The following DYNC2H1 variants were observed in gnomAD, a reference collection of about 807,000 sequenced individuals.
DYNC2H1 encodes the protein cytoplasmic dynein 2 heavy chain 1.
In DYNC2H1, 410 loss-of-function variants were observed where a neutral mutation model predicts 570.0. The ratio of observed to expected loss-of-function variants is 0.72; its 90% CI spans 0.66 to 0.78. The LOEUF (loss-of-function observed/expected upper bound fraction) is 0.78, where lower values mean the gene tolerates loss of function less well. Among genes scored for constraint, DYNC2H1 ranks in the 30% least tolerant of loss-of-function variants. The probability of loss-of-function intolerance (pLI) is 0.00; values close to 1 mark genes in which losing one functional copy is unlikely to be tolerated. For missense variants in DYNC2H1, 4,865 were observed against 5,046.4 expected, an observed-to-expected ratio of 0.96 and a Z score of 1.09; for synonymous variants, 1,688 against 1,677.6, an observed-to-expected ratio of 1.01 and a Z score of -0.15.
Position 103,189,519 on chromosome 11 carries a change from G to T in DYNC2H1, c.7293-153G>T, listed in dbSNP as rs571326205. ...GGTTGAAATGAGAATGGATCGGGGC[G>T]ATGAGCCTAGTCTTAGCCCCCTGGG... On this transcript the variant is annotated intron_variant, in intron 44 of 88. Transcript: ENST00000375735. This position sits in a 1 kb window ranked among gnomAD's most constrained non-coding sequence, Gnocchi z 4.3. Among the ~76,000 whole-genome samples the T allele has an allele frequency of 6.6e-6, 1 of 152,132 alleles. No individual in the cohort carries two copies.
intron 87 of DYNC2H1, among the ~76,000 whole-genome samples, chr11:103,462,988 C>A (rs1019413129): frequency 2.6e-5 from 4 of 152,110 alleles, no homozygotes; most frequent in African/African-American, 9.7e-5. Context: ...AACAATCATG[C>A]AGATCAGTAT....
At chr11:103,114,316 C>T in intron 3 of DYNC2H1, 78 bp downstream of exon 3, 2 of 1,385,926 alleles carry the variant, frequency 1.4e-6, no homozygotes, top group Non-Finnish European at 1.9e-6. Flanking sequence ...CATATTTCTT[C>T]ATAGATTTCT....
chr11:103,282,202 GGTT>G lies in DYNC2H1; in HGVS notation c.10790_10792del (p.Val3597del). The stretch of plus-strand genomic sequence containing the variant: ...AGGAATGGGATACGTTTACAGGTGT[GGTT>G]GTTGGAGACATGTTACGGAAAGCTG... On this transcript the variant is annotated inframe_deletion, in exon 72 of 89. Transcript: ENST00000375735. 1 of 1,607,958 alleles carries G rather than the reference GGTT, an allele frequency of 6.2e-7. No homozygotes were observed. The highest frequency in any genetic ancestry group is 1.1e-5 in the South Asian group (1 of 89,560).
rs1185683921 is a variant in DYNC2H1, at chr11:103,394,793, T to C, written c.12157-4870T>C. Among the ~76,000 whole-genome samples, 5 of 152,088 alleles carry C rather than the reference T, an allele frequency of 3.3e-5. No individual in the cohort carries two copies. The East Asian group carries it at 9.7e-4, about 29-fold the overall frequency. On this transcript the variant is annotated intron_variant, in intron 83 of 88. Coordinates refer to ENST00000375735, the MANE Select transcript of DYNC2H1 (RefSeq NM_001377.3). ...TGGGAGGGGAGGGGATCCAATCCCC[T>C]GAGGTATGACTATAGTTGTTACTAG... is the stretch of plus-strand genomic sequence containing the variant.
intron 12 of DYNC2H1, among the ~76,000 whole-genome samples, 195 bp from the exon 13 acceptor site, chr11:103,128,715 A>G (rs1859120449): frequency 6.6e-6 from 1 of 152,210 alleles, no homozygotes; most frequent in Non-Finnish European, 1.5e-5. Flanking sequence ...ATGACTTGGC[A>G]AATTGTAGGA....
In DYNC2H1 at chr11:103,121,013, C is replaced by T. The variant is rs763807054; in HGVS notation, c.1337C>T (p.Ala446Val). 7 of 1,581,964 alleles carry T rather than the reference C, an allele frequency of 4.4e-6. No individual in the cohort carries two copies. In the Admixed American group the frequency reaches 1.2e-4, roughly 28 times the overall value. Residue 446 changes from alanine to valine, a missense_variant, in exon 9 of 89, where the codon GCA becomes GTA. By Grantham distance (64) the Ala-to-Val change is moderately conservative (BLOSUM62 0). Coordinates refer to ENST00000375735, the MANE Select transcript of DYNC2H1 (RefSeq NM_001377.3). The stretch of plus-strand genomic sequence containing the variant: ...ATGTTAGAAAGAGAAACTTTACTGG[C>T]AAGACTTGTGGACTCAATTAAAGGT... ...ELMLERETLL[A>V]RLVDSIKDFR...
At position 103,186,444 on chromosome 11, in the gene DYNC2H1, T is replaced by G. The variant is rs1289609181; in HGVS notation, c.6836T>G (p.Leu2279Ter). 1.2e-6 allele frequency: 2 copies of G among 1,612,540 alleles called. No individual in the cohort carries two copies. Among genetic ancestry groups the G allele is most frequent in the Non-Finnish European group, 1.7e-6 (2 of 1,179,108 alleles). ...QRGLDYFKPW[L>*]SSDTKQPFIL... ...GGTCTAGATTATTTCAAACCATGGT[T>G]AAGTTCTGATACTAAACAGCCCTTT... is the stretch of plus-strand genomic sequence containing the variant. Residue 2279 changes from leucine to a stop codon, truncating the protein, a stop_gained, in exon 42 of 89, where the codon TTA becomes TGA. Transcript: ENST00000375735. LOFTEE classifies it high-confidence loss of function. This position sits in a 1 kb window ranked among gnomAD's most constrained non-coding sequence, Gnocchi z 4.5.
intron 83 of DYNC2H1, among the ~76,000 whole-genome samples, chr11:103,394,873 A>G (rs565616425): frequency 2.6e-5 from 4 of 152,152 alleles, no homozygotes; most frequent in Admixed American, 2.0e-4. Context: ...CTTTTGGTAC[A>G]GTAAGGCAGC....
intron 74 of DYNC2H1, 115 bp from the exon 75 acceptor site, chr11:103,287,418 A>T (rs1278464229): frequency 2.5e-6 from 2 of 811,378 alleles, no homozygotes; most frequent in African/African-American, 1.7e-5. Context: ...TGGAACAATG[A>T]TAAGTGTTCC....
intron 72 of DYNC2H1, among the ~76,000 whole-genome samples, 199 bp from the exon 73 acceptor site, chr11:103,282,809 G>A (rs1344172341): frequency 6.6e-6 from 1 of 151,920 alleles, no homozygotes. Context: ...AAAAATGATT[G>A]CAACATTTTC....
In DYNC2H1 at chr11:103,157,440, CT is replaced by C. The variant is rs1860889203; in HGVS notation, c.4127+673del. ...ATTTACCAGTTCCTTTCCAACAAAT[CT>C]TTCTTCTTTCTGATTCCTATTTCAA... On this transcript the variant is annotated intron_variant, in intron 26 of 88. Transcript: ENST00000375735. The surrounding 1 kb of genome is among the most constrained non-coding windows in gnomAD (Gnocchi z 4.2). Among the ~76,000 whole-genome samples the C allele has an allele frequency of 6.6e-6, 1 of 152,246 alleles. No individual in the cohort carries two copies. The highest frequency in any genetic ancestry group is 1.5e-5 in the Non-Finnish European group (1 of 68,042).
At position 103,130,276 on chromosome 11, in the gene DYNC2H1, T is replaced by C. The variant is rs979508563; in HGVS notation, c.1953+1271T>C. Among the ~76,000 whole-genome samples the C allele has an allele frequency of 2.0e-5, 3 of 152,220 alleles. No individual in the cohort carries two copies. In the East Asian group the frequency reaches 5.8e-4, roughly 29 times the overall value. ...CATAAACCAAATTATTTAGGTACAGTGAGCCACTCTTATCAGAGTGGTAGG... is the reference window on the plus strand; with the variant it reads ...CATAAACCAAATTATTTAGGTACAGCGAGCCACTCTTATCAGAGTGGTAGG... On this transcript the variant is annotated intron_variant, in intron 13 of 88. Coordinates refer to ENST00000375735, the MANE Select transcript of DYNC2H1 (RefSeq NM_001377.3).
rs746390478 is a variant in DYNC2H1 at position 103,109,719 on chromosome 11, A to G, written c.145A>G (p.Met49Val). The change falls in exon 1 of 89, where the codon ATG becomes GTG. Residue 49 changes from methionine to valine, a missense_variant. Around this residue, in one of 5 missense-constraint regions of DYNC2H1, gnomAD observed 1,936 missense variants for 1,962.1 expected, o/e 0.99. Coordinates refer to ENST00000375735, the MANE Select transcript of DYNC2H1 (RefSeq NM_001377.3). Reference sequence around the variant, plus strand: ...CAACTTCTTGGATGACGGCAACCAGATGCTCCTCAGGGTGCAGCGATCCGA... The same window carrying G: ...CAACTTCTTGGATGACGGCAACCAGGTGCTCCTCAGGGTGCAGCGATCCGA... ...INNFLDDGNQMLLRVQRSDAG... is the reference protein window; with the variant it reads ...INNFLDDGNQVLLRVQRSDAG... 1.2e-6 allele frequency: 2 copies of G among 1,613,910 alleles called. No homozygotes were observed. The highest frequency in any genetic ancestry group is 3.3e-5 in the Admixed American group (2 of 60,010).
chr11:103,341,065 A>G lies in DYNC2H1; in HGVS notation c.12039+17075A>G, dbSNP rs140836121. ...TTTAAAGCCAGAGTGATACAGGCAA[A>G]GAAGTGACAAGGCTGTGTACTTGAT... On this transcript the variant is annotated intron_variant, in intron 82 of 88. Transcript: ENST00000375735. 4.6e-5 allele frequency among the ~76,000 whole-genome samples: 7 copies of G among 152,230 alleles called. No individual in the cohort carries two copies. The East Asian group carries it at 1.4e-3, about 29-fold the overall frequency.
chr11:103,294,810 C>T (rs1866753926), intron 75 of DYNC2H1, among the ~76,000 whole-genome samples: 2 of 152,176 alleles, frequency 1.3e-5, no homozygotes, highest in African/African-American at 4.8e-5. Context: ...AGGTTGCCTT[C>T]TGGCCCAGAA....
chr11:103,447,696 T>C (rs576650646), intron 85 of DYNC2H1, among the ~76,000 whole-genome samples: 28 of 152,282 alleles, frequency 1.8e-4, no homozygotes, highest in African/African-American at 6.7e-4. Flanking sequence ...ATAACTAAGT[T>C]TTTTAAGGCA....
At chr11:103,111,687 G>A (rs957481657) in intron 1 of DYNC2H1, among the ~76,000 whole-genome samples, 1 of 152,050 alleles carries the variant, frequency 6.6e-6, no homozygotes, top group Non-Finnish European at 1.5e-5. Context: ...GTTGAAGGTA[G>A]AACTTTTTTT....
In DYNC2H1 at chr11:103,475,905, C is replaced by A. The variant is rs376346964; in HGVS notation, c.12766-3190C>A. On this transcript the variant is annotated intron_variant, in intron 88 of 88. Transcript: ENST00000375735. ...AAAGGAATAACATCGTAAAACATTT[C>A]ATTGTGGTGTTTCTATTTCAGTTTT... 2.4e-3 allele frequency among the ~76,000 whole-genome samples: 358 copies of A among 152,228 alleles called. 5 individuals are homozygous for A. The highest frequency in any genetic ancestry group is 0.014 in the Middle Eastern group (4 of 294).
intron 69 of DYNC2H1, among the ~76,000 whole-genome samples, chr11:103,258,577 G>T (rs796303323): frequency 6.6e-6 from 1 of 152,292 alleles, no homozygotes; most frequent in African/African-American, 2.4e-5. Context: ...TGTGGGTTGG[G>T]AGGACTTGAC....
Sources: allele counts gnomAD v4.1 joint callset (sites outside exome capture counted in the v4.1 genomes callset), GRCh38; gene constraint gnomAD v4.1.1; regional missense constraint gnomAD v4.1.1; non-coding constraint Gnocchi (gnomAD v3.1); transcripts MANE v1.5; gene names NCBI Gene and HGNC (gene_info 2026-07-23, HGNC 2026-07-21).